Variants in SFI1 observed in about 807,000 individuals in gnomAD.
The protein encoded by SFI1 is protein SFI1 homolog.
Under a neutral mutation model 207.5 loss-of-function variants are expected in SFI1, and 195 were observed. The ratio of observed to expected loss-of-function variants is 0.94; its 90% CI spans 0.84 to 1.06. The LOEUF is 1.06. SFI1 is among the 50% of genes least tolerant of loss of function. SFI1 has a pLI of 0.00. For synonymous variants in SFI1, 630 were observed against 598.9 expected (o/e 1.05, Z -0.76); for missense variants, 1,634 against 1,588.0 (o/e 1.03, Z -0.49).
rs183448213 is a variant in SFI1 at position 31,519,245 on chromosome 22, G to T, written c.93-9445G>T. 2.3e-3 allele frequency among the ~76,000 whole-genome samples: 352 copies of T among 151,354 alleles called. 4 individuals are homozygous for T. The Middle Eastern group carries it at 0.034, about 15-fold the overall frequency. ...TTAAGACTGAAAACCAGCGAACTAT[G>T]CATCTATCATTTTTTCTTTTATTTT... is the stretch of plus-strand genomic sequence containing the variant. On this transcript the variant is annotated intron_variant, in intron 2 of 32. Coordinates refer to ENST00000400288, the MANE Select transcript of SFI1 (RefSeq NM_001007467.3).
intron 4 of SFI1, among the ~76,000 whole-genome samples, chr22:31,536,910 A>T (rs529206780): frequency 0.011 from 1,710 of 149,788 alleles, 11 homozygotes; most frequent in Middle Eastern, 0.031. Flanking sequence ...TTTTTTTTTA[A>T]AATTAACTTT....
intron 20 of SFI1, chr22:31,605,493 TTTCC>T (rs964844609): frequency 3.9e-5 from 6 of 152,738 alleles, no homozygotes; most frequent in African/African-American, 1.2e-4. Context: ...CCCCCTTTCA[TTTCC>T]TTCCTTTGTA....
In SFI1 at chr22:31,615,151, AG is replaced by A. The variant is rs1569470101; in HGVS notation, c.3173del (p.Ser1058ThrfsTer129). On this transcript the variant is annotated frameshift_variant, in exon 29 of 33. Coordinates refer to ENST00000400288, the MANE Select transcript of SFI1 (RefSeq NM_001007467.3). LOFTEE classifies it high-confidence loss of function. ...GGCCCCGACAGCACTGGTCCCACAC[AG>A]CCCCCTGCCTGGGGCCCTGTCAAGC... ...AEAPTALVPH[S>X]PLPGALSSAP... 1.2e-6 allele frequency: 2 copies of A among 1,607,414 alleles called. No individual in the cohort carries two copies. The highest frequency in any genetic ancestry group is 1.1e-5 in the South Asian group (1 of 90,710).
intron 4 of SFI1, among the ~76,000 whole-genome samples, chr22:31,540,264 T>TTTA (rs2059356007): frequency 6.7e-6 from 1 of 149,890 alleles, no homozygotes; most frequent in South Asian, 2.1e-4. Context: ...TTTTATTTTA[T>TTTA]TTTATTTATT....
At chr22:31,585,975 G>A (rs984191285) in intron 14 of SFI1, among the ~76,000 whole-genome samples, 1 of 151,906 alleles carries the variant, frequency 6.6e-6, no homozygotes, top group African/African-American at 2.4e-5. Flanking sequence ...AGTCTAACAG[G>A]TGAATCTTTA....
intron 2 of SFI1, among the ~76,000 whole-genome samples, chr22:31,517,717 A>G (rs186516140): frequency 6.1e-4 from 93 of 152,128 alleles, no homozygotes; most frequent in African/African-American, 1.9e-3. Flanking sequence ...AAACTGCTCT[A>G]TAGTGCCATT....
intron 31 of SFI1, among the ~76,000 whole-genome samples, chr22:31,617,576 C>T (rs142440065): frequency 1.8e-4 from 27 of 152,146 alleles, no homozygotes; most frequent in Admixed American, 3.3e-4. Flanking sequence ...CAAAAATTAG[C>T]CGGGCATGGT....
intron 29 of SFI1, chr22:31,615,836 GAATAACTTGGGAAA>G (rs929889302): frequency 5.2e-5 from 8 of 152,954 alleles, no homozygotes; most frequent in African/African-American, 1.7e-4. Context: ...CTGCTGGCTT[GAATAACTTGGGAAA>G]CAGAGTTCTT....
intron 6 of SFI1, among the ~76,000 whole-genome samples, chr22:31,555,645 TC>T (rs768340321): frequency 4.6e-5 from 7 of 152,210 alleles, no homozygotes; most frequent in Non-Finnish European, 8.8e-5. Flanking sequence ...ATTTACACTT[TC>T]CAAACATAAC....
At chr22:31,602,582 T>C in intron 16 of SFI1, 25 bp from the exon 17 acceptor site, 1 of 1,612,958 alleles carries the variant, frequency 6.2e-7, no homozygotes, top group Non-Finnish European at 8.5e-7. Flanking sequence ...ATTTATTCTG[T>C]TCTCTCCTTC....
rs748984805 is a variant in SFI1 at position 31,613,632 on chromosome 22, C to T, written c.2773C>T (p.Arg925Cys). 27 of 1,595,076 alleles carry T rather than the reference C, an allele frequency of 1.7e-5. No individual in the cohort carries two copies. Among genetic ancestry groups the T allele is most frequent in the African/African-American group, 6.7e-5 (5 of 74,636 alleles). Residue 925 changes from arginine to cysteine, a missense_variant, in exon 27 of 33, where the codon CGC becomes TGC. By Grantham distance (180) the Arg-to-Cys change is radical (BLOSUM62 -3). Coordinates refer to ENST00000400288, the MANE Select transcript of SFI1 (RefSeq NM_001007467.3). Reference protein sequence around the residue: ...AAHSLHRAVRRCATLWKQKVL... With the variant: ...AAHSLHRAVRCCATLWKQKVL... ...TCACAGTCTCCATCGTGCCGTCCGC[C>T]GCTGTGCCACGCTCTGGAAACAGAA...
At position 31,589,515 on chromosome 22, in the gene SFI1, C is replaced by G; in HGVS notation, c.1482C>G (p.Asn494Lys). The change falls in exon 15 of 33, where the codon AAC becomes AAG. Residue 494 changes from asparagine to lysine, a missense_variant. Coordinates refer to ENST00000400288, the MANE Select transcript of SFI1 (RefSeq NM_001007467.3). ...RALPAAFHTW[N>K]RLWRWRHQEN... ...TGCCTGCTGCCTTCCACACATGGAA[C>G]AGACTCTGGCGATGGCGCCACCAGG... 6.2e-7 allele frequency: 1 copy of G among 1,614,060 alleles called. No homozygotes were observed. The highest frequency in any genetic ancestry group is 1.1e-5 in the South Asian group (1 of 91,040).
chr22:31,529,629 A>C (rs1392768737), intron 3 of SFI1, among the ~76,000 whole-genome samples: 1 of 152,166 alleles, frequency 6.6e-6, no homozygotes, highest in Non-Finnish European at 1.5e-5. Context: ...ACTTAATGAG[A>C]GTTTAAAATC....
chr22:31,574,998 G>A (rs1332053770), intron 9 of SFI1, among the ~76,000 whole-genome samples: 1 of 151,348 alleles, frequency 6.6e-6, no homozygotes, highest in Non-Finnish European at 1.5e-5. Flanking sequence ...GGCATAGGTT[G>A]CAGTGAGCCG....
In SFI1 at chr22:31,606,366, G is replaced by A. The variant is rs753089246; in HGVS notation, c.2093G>A (p.Arg698Gln). The A allele has an allele frequency of 1.1e-5, 17 of 1,613,746 alleles. No homozygotes were observed. Among genetic ancestry groups the A allele is most frequent in the South Asian group, 3.3e-5 (3 of 91,088 alleles). The change falls in exon 21 of 33, where the codon CGA becomes CAA. Residue 698 changes from arginine (R) to glutamine (Q), a missense_variant. By Grantham distance (43) the Arg-to-Gln change is conservative. Coordinates refer to ENST00000400288, the MANE Select transcript of SFI1 (RefSeq NM_001007467.3). ...CGCTGGAAAGAGAACACCATGGCCC[G>A]AGTGGATGAAGCCAAAAAAACCTTT... is the stretch of plus-strand genomic sequence containing the variant. Reference protein sequence around the residue: ...LRRWKENTMARVDEAKKTFQA... With the variant: ...LRRWKENTMAQVDEAKKTFQA...
At chr22:31,585,239 C>A (rs1048683283) in intron 14 of SFI1, 105 bp downstream of exon 14, 3 of 967,286 alleles carry the variant, frequency 3.1e-6, no homozygotes, top group Middle Eastern at 2.2e-4. Context: ...TCTTATCGTT[C>A]TGCTTTGGAA....
chr22:31,560,264 A>G (rs537811216), intron 7 of SFI1, among the ~76,000 whole-genome samples: 34 of 152,244 alleles, frequency 2.2e-4, no homozygotes, highest in Admixed American at 1.6e-3. Flanking sequence ...TAGTAGGAAA[A>G]AAAAAACAAG....
At chr22:31,583,458 A>ATCAT (rs1318978365) in intron 12 of SFI1, among the ~76,000 whole-genome samples, 1 of 152,158 alleles carries the variant, frequency 6.6e-6, no homozygotes, top group African/African-American at 2.4e-5. Flanking sequence ...TCCTTTTGAT[A>ATCAT]TCATTTATAT....
In SFI1 at chr22:31,607,921, C is replaced by T. The variant is rs1184358149; in HGVS notation, c.2158-16C>T. On this transcript the variant is annotated splice_polypyrimidine_tract_variant and intron_variant, in intron 21 of 32. Coordinates refer to ENST00000400288, the MANE Select transcript of SFI1 (RefSeq NM_001007467.3). The stretch of plus-strand genomic sequence containing the variant: ...GAGGTATAGTGACTCTTGCTGTGCT[C>T]CTTGCCTGCCCATAGGTCCTGGTCC... 6.2e-7 allele frequency: 1 copy of T among 1,612,560 alleles called. No individual in the cohort carries two copies. The highest frequency in any genetic ancestry group is 1.3e-5 in the African/African-American group (1 of 75,008).
Sources: allele counts gnomAD v4.1 joint callset (sites outside exome capture counted in the v4.1 genomes callset), GRCh38; gene constraint gnomAD v4.1.1; transcripts MANE v1.5; gene names NCBI Gene and HGNC (gene_info 2026-07-23, HGNC 2026-07-21).